Variants in WWC2 observed in about 807,000 individuals in gnomAD.
WWC2 encodes the protein WW and C2 domain containing 2, also known as protein WWC2.
In WWC2, 101 loss-of-function variants were observed where a neutral mutation model predicts 138.5. That is an observed-to-expected ratio of 0.73 (90% CI 0.62 to 0.86). The LOEUF is 0.86. WWC2 is among the 40% of genes least tolerant of loss of function. The probability of loss-of-function intolerance (pLI) is 0.00; values close to 1 mark genes in which losing one functional copy is unlikely to be tolerated. For missense variants in WWC2, 1,420 were observed against 1,419.4 expected, an observed-to-expected ratio of 1.00 and a Z score of -0.01; for synonymous variants, 558 against 538.4, an observed-to-expected ratio of 1.04 and a Z score of -0.50.
chr4:183,230,868 AT>A (rs1736224016), intron 4 of WWC2, among the ~76,000 whole-genome samples: 2 of 152,216 alleles, frequency 1.3e-5, no homozygotes, highest in Non-Finnish European at 2.9e-5. Context: ...ACATGAGAAA[AT>A]TTATACTATT....
chr4:183,282,969 A>ACAAACAAGCATCTCCC, intron 18 of WWC2, 63 bp downstream of exon 18: 1 of 1,440,232 alleles, frequency 6.9e-7, no homozygotes, highest in Non-Finnish European at 9.2e-7. Context: ...GACTAGGGAG[A>ACAAACAAGCATCTCCC]TGCTTGTTTG....
At chr4:183,201,712 G>T (rs912713977) in intron 2 of WWC2, among the ~76,000 whole-genome samples, 3 of 152,160 alleles carry the variant, frequency 2.0e-5, no homozygotes, top group South Asian at 2.1e-4. Context: ...ATACTTCGTT[G>T]GGCTGCATTA....
intron 1 of WWC2, among the ~76,000 whole-genome samples, chr4:183,127,219 A>G (rs1162379400): frequency 6.6e-6 from 1 of 152,204 alleles, no homozygotes; most frequent in Admixed American, 6.5e-5. Flanking sequence ...AAGGAAAGCA[A>G]GAAGAAAAAT....
chr4:183,141,937 T>A (rs75805724), intron 1 of WWC2, among the ~76,000 whole-genome samples: 2 of 152,200 alleles, frequency 1.3e-5, no homozygotes, highest in Non-Finnish European at 2.9e-5. Flanking sequence ...TCATGGCATA[T>A]AGACTATAGC....
chr4:183,116,146 GGTAA>G (rs1460696836), intron 1 of WWC2, among the ~76,000 whole-genome samples: 5 of 152,102 alleles, frequency 3.3e-5, no homozygotes, highest in Non-Finnish European at 7.4e-5. Context: ...ACCAGATGGT[GGTAA>G]GTGTGTGACT....
chr4:183,281,233 CTA>C (rs1738064796), intron 17 of WWC2: 1 of 357,312 alleles, frequency 2.8e-6, no homozygotes, highest in South Asian at 1.3e-4. Flanking sequence ...AAAAGTGACT[CTA>C]TTTTTCTTTT....
intron 21 of WWC2, 96 bp downstream of exon 21, chr4:183,289,731 A>AT: frequency 6.6e-7 from 1 of 1,514,036 alleles, no homozygotes; most frequent in Admixed American, 2.2e-5. Flanking sequence ...TGTTTTGCGC[A>AT]TAAGTCTTTA....
chr4:183,152,903 T>A (rs562274049), intron 1 of WWC2, among the ~76,000 whole-genome samples: 3 of 151,518 alleles, frequency 2.0e-5, no homozygotes, highest in Middle Eastern at 3.4e-3. Context: ...AAAAAATAAA[T>A]AAAAATAATA....
intron 1 of WWC2, among the ~76,000 whole-genome samples, chr4:183,154,560 A>G (rs767579914): frequency 5.9e-5 from 9 of 152,186 alleles, no homozygotes; most frequent in Non-Finnish European, 1.2e-4. Flanking sequence ...CTCCATTTCT[A>G]TAACCAAATG....
At chr4:183,288,412 A>G (rs961385055) in intron 20 of WWC2, among the ~76,000 whole-genome samples, 4 of 152,192 alleles carry the variant, frequency 2.6e-5, no homozygotes, top group African/African-American at 4.8e-5. Flanking sequence ...CTGTCTGCCA[A>G]TAATCTAGGC....
chr4:183,187,821 C>G (rs1033431619), intron 1 of WWC2, among the ~76,000 whole-genome samples: 1 of 151,518 alleles, frequency 6.6e-6, no homozygotes, highest in Non-Finnish European at 1.5e-5. Context: ...TGCAGTGAGC[C>G]AAGATCGTGC....
chr4:183,252,463 C>T (rs1348552124), intron 8 of WWC2, among the ~76,000 whole-genome samples: 1 of 152,160 alleles, frequency 6.6e-6, no homozygotes, highest in Non-Finnish European at 1.5e-5. Context: ...CGTACTGAGT[C>T]GGGGGTAATG....
chr4:183,249,247 C>T (rs73870399), intron 7 of WWC2, among the ~76,000 whole-genome samples: 3,532 of 152,088 alleles, frequency 0.023, 137 homozygotes, highest in African/African-American at 0.081. Context: ...AATAAGAAAA[C>T]TTGTTTTTGT....
At chr4:183,189,817 C>T (rs1394877380) in intron 1 of WWC2, among the ~76,000 whole-genome samples, 1 of 152,098 alleles carries the variant, frequency 6.6e-6, no homozygotes, top group African/African-American at 2.4e-5. Context: ...TCATTTAGTG[C>T]AGTTAGTACA....
intron 1 of WWC2, among the ~76,000 whole-genome samples, chr4:183,137,276 T>G (rs924538802): frequency 2.0e-5 from 3 of 152,214 alleles, no homozygotes; most frequent in African/African-American, 7.2e-5. Flanking sequence ...CTTTTTGACT[T>G]TTTTTAAATA....
chr4:183,110,431 T>TG (rs1732195209), intron 1 of WWC2, among the ~76,000 whole-genome samples: 1 of 131,048 alleles, frequency 7.6e-6, no homozygotes, highest in African/African-American at 2.6e-5. Context: ...TCTGTAGAGC[T>TG]ATTTTTTTTT....
intron 1 of WWC2, among the ~76,000 whole-genome samples, chr4:183,172,094 ATT>A (rs1734306623): frequency 6.6e-6 from 1 of 152,072 alleles, no homozygotes; most frequent in African/African-American, 2.4e-5. Flanking sequence ...CCTATTACCA[ATT>A]TGTGGCCAGA....
At chr4:183,284,099 C>T (rs1050320590) in intron 18 of WWC2, 127 bp from the exon 19 acceptor site, 6 of 1,099,008 alleles carry the variant, frequency 5.5e-6, no homozygotes, top group South Asian at 1.6e-5. Flanking sequence ...AAGCCTTTCT[C>T]TTAGGAGTGG....
Position 183,256,884 on chromosome 4 carries a change from GCCCCCCCCC to G in WWC2, c.1197-2744_1197-2736del, listed in dbSNP as rs60733090. The stretch of plus-strand genomic sequence containing the variant: ...TTCAGTCTCTGAGTGTGATCCTACA[GCCCCCCCCC>G]CCCCCCCCCCGGCTCTGTTCCTGCC... On this transcript the variant is annotated intron_variant, in intron 9 of 22. Coordinates refer to ENST00000403733, the MANE Select transcript of WWC2 (RefSeq NM_024949.6). Among the ~76,000 whole-genome samples, 110 of 81,166 alleles carry G rather than the reference GCCCCCCCCC, an allele frequency of 1.4e-3. 8 individuals are homozygous for G. The highest frequency in any genetic ancestry group is 8.1e-3 in the African/African-American group (104 of 12,796). The allele number at this position is 81,166 out of a possible 152,430, so 53.2% of individuals were successfully genotyped here.
Sources: allele counts gnomAD v4.1 joint callset (sites outside exome capture counted in the v4.1 genomes callset), GRCh38; gene constraint gnomAD v4.1.1; transcripts MANE v1.5; gene names NCBI Gene and HGNC (gene_info 2026-07-23, HGNC 2026-07-21).